The following RANBP17 variants were observed in gnomAD, a reference collection of about 807,000 sequenced individuals.
The protein encoded by RANBP17 is RAN binding protein 17.
Under a neutral mutation model 141.2 loss-of-function variants are expected in RANBP17, and 158 were observed. The observed-to-expected ratio is 1.12, with a 90% CI of 0.98 to 1.28. RANBP17 has a LOEUF of 1.28. RANBP17 is among the 50% of genes most tolerant of loss of function. The pLI is 0.00. For missense variants in RANBP17, 1,438 were observed against 1,290.7 expected, an observed-to-expected ratio of 1.11 and a Z score of -1.75; for synonymous variants, 430 against 450.0, an observed-to-expected ratio of 0.96 and a Z score of 0.56.
chr5:170,939,359 TTTTATTTATTTA>T (rs370040899), intron 12 of RANBP17, among the ~76,000 whole-genome samples: 2,938 of 147,630 alleles, frequency 0.02, 47 homozygotes, highest in Non-Finnish European at 0.025. Context: ...AAAAATTTTA[TTTTATTTATTTA>T]TTTATTTATT....
chr5:171,085,343 C>T (rs1785574449), intron 14 of RANBP17, among the ~76,000 whole-genome samples: 1 of 121,830 alleles, frequency 8.2e-6, no homozygotes, highest in Non-Finnish European at 1.7e-5. Flanking sequence ...GGTACCAGTA[C>T]CATGCTGTTT....
intron 14 of RANBP17, among the ~76,000 whole-genome samples, chr5:171,140,479 G>A (rs967163774): frequency 2.6e-5 from 4 of 152,188 alleles, no homozygotes; most frequent in Non-Finnish European, 4.4e-5. Flanking sequence ...CACTAGATTA[G>A]CCACCTCTTC....
At chr5:170,864,780 C>T (rs1364526256) in intron 1 of RANBP17, among the ~76,000 whole-genome samples, 5 of 152,138 alleles carry the variant, frequency 3.3e-5, no homozygotes, top group Admixed American at 6.5e-5. Context: ...AGTCAAGCTA[C>T]CTGATTTGAT....
chr5:171,047,147 G>C (rs1210900161), intron 14 of RANBP17, among the ~76,000 whole-genome samples: 1 of 149,818 alleles, frequency 6.7e-6, no homozygotes, highest in African/African-American at 2.5e-5. Flanking sequence ...TTCCCGAGTA[G>C]CTGGAATTAC....
chr5:170,926,694 G>A (rs1342235154), intron 12 of RANBP17, among the ~76,000 whole-genome samples: 1 of 98,554 alleles, frequency 1.0e-5, no homozygotes, highest in Non-Finnish European at 2.4e-5. Context: ...GTATTTCATT[G>A]TGCAAAAATT....
intron 14 of RANBP17, among the ~76,000 whole-genome samples, chr5:170,999,918 C>G (rs1201308841): frequency 6.6e-6 from 1 of 152,154 alleles, no homozygotes; most frequent in Non-Finnish European, 1.5e-5. Context: ...CCCACCAGTC[C>G]TTGGCAACTA....
At chr5:171,137,231 T>C (rs1218567538) in intron 14 of RANBP17, among the ~76,000 whole-genome samples, 2 of 152,212 alleles carry the variant, frequency 1.3e-5, no homozygotes, top group South Asian at 4.1e-4. Flanking sequence ...ATGGGACAAG[T>C]TGATGAGGTC....
chr5:171,236,931 T>C (rs912028301), intron 22 of RANBP17, among the ~76,000 whole-genome samples: 2 of 152,186 alleles, frequency 1.3e-5, no homozygotes, highest in Non-Finnish European at 1.5e-5. Context: ...TGTTACAATA[T>C]TATCTTATTA....
chr5:171,280,274 G>GTTTTGT (rs979566132), intron 25 of RANBP17, among the ~76,000 whole-genome samples: 14 of 151,866 alleles, frequency 9.2e-5, no homozygotes, highest in Admixed American at 6.6e-4. Flanking sequence ...CTTTTTGGGG[G>GTTTTGT]TTTTGTTTTT....
intron 14 of RANBP17, among the ~76,000 whole-genome samples, chr5:170,991,691 C>T (rs1778520685): frequency 6.6e-6 from 1 of 151,876 alleles, no homozygotes; most frequent in African/African-American, 2.4e-5. Context: ...AACCTGTCAA[C>T]AGAAGTGATA....
chr5:171,235,543 T>C lies in RANBP17; in HGVS notation c.2423-5385T>C, dbSNP rs377222576. Among the ~76,000 whole-genome samples the C allele has an allele frequency of 2.0e-3, 308 of 152,104 alleles. 2 individuals are homozygous for C. The highest frequency in any genetic ancestry group is 7.2e-3 in the African/African-American group (299 of 41,490). On this transcript the variant is annotated intron_variant, in intron 22 of 27. Coordinates refer to ENST00000523189, the MANE Select transcript of RANBP17 (RefSeq NM_022897.5). Reference sequence around the variant, plus strand: ...CAGTATATGTGAGTGCAAATGCTAGTAGAAAGGTATAAATGGTAGGGAATA... The same window carrying C: ...CAGTATATGTGAGTGCAAATGCTAGCAGAAAGGTATAAATGGTAGGGAATA...
chr5:171,028,155 T>C (rs1781338212), intron 14 of RANBP17, among the ~76,000 whole-genome samples: 1 of 151,980 alleles, frequency 6.6e-6, no homozygotes, highest in Non-Finnish European at 1.5e-5. Context: ...AATTTAAAAA[T>C]AAAAAATTAA....
rs866167462 is a variant in RANBP17, at chr5:171,123,268, C to T, written c.1711-46862C>T. On this transcript the variant is annotated intron_variant, in intron 14 of 27. Coordinates refer to ENST00000523189, the MANE Select transcript of RANBP17 (RefSeq NM_022897.5). ...CCTGCTGGTACCCACACATGTCATC[C>T]AGGGACCCAAGGACGTACCTGCCCT... Among the ~76,000 whole-genome samples the T allele has an allele frequency of 2.0e-5, 3 of 152,132 alleles. No homozygotes were observed. In the South Asian group the frequency reaches 6.2e-4, roughly 32 times the overall value.
chr5:170,865,615 G>A (rs1473792748), intron 1 of RANBP17, among the ~76,000 whole-genome samples: 1 of 152,168 alleles, frequency 6.6e-6, no homozygotes, highest in Non-Finnish European at 1.5e-5. Context: ...AGGGGGAGGT[G>A]TTGAGTTGAG....
chr5:171,028,868 A>G (rs1317263371), intron 14 of RANBP17: 14 of 1,268,056 alleles, frequency 1.1e-5, no homozygotes, highest in African/African-American at 1.5e-5. Context: ...TTTGTCTTGC[A>G]CAGAAGACAG....
intron 25 of RANBP17, among the ~76,000 whole-genome samples, chr5:171,270,360 C>T (rs775614375): frequency 2.6e-5 from 4 of 152,132 alleles, no homozygotes; most frequent in Non-Finnish European, 4.4e-5. Context: ...GCGTCACCAG[C>T]GTTGCTTTGA....
chr5:171,014,962 C>G (rs553082731), intron 14 of RANBP17, among the ~76,000 whole-genome samples: 8 of 151,990 alleles, frequency 5.3e-5, no homozygotes, highest in Non-Finnish European at 1.2e-4. Flanking sequence ...TTTCCCCTTT[C>G]AATACATTAA....
intron 25 of RANBP17, among the ~76,000 whole-genome samples, chr5:171,293,116 C>T (rs1768601434): frequency 6.6e-6 from 1 of 152,286 alleles, no homozygotes; most frequent in Middle Eastern, 3.4e-3. Flanking sequence ...GTGCAGTCTT[C>T]CCTGACTTCT....
At chr5:171,064,178 G>A (rs868836121) in intron 14 of RANBP17, among the ~76,000 whole-genome samples, 106 of 152,102 alleles carry the variant, frequency 7.0e-4, no homozygotes, top group African/African-American at 2.5e-3. Flanking sequence ...ACTGTCCTGC[G>A]CCCACTGTCT....
Sources: gnomAD v4.1 joint callset for allele counts (sites outside exome capture counted in the v4.1 genomes callset) on GRCh38, gnomAD v4.1.1 for gene constraint, MANE v1.5 for transcripts, NCBI Gene and HGNC (gene_info 2026-07-23, HGNC 2026-07-21) for gene names.